SPAG17: variants seen among roughly 807,000 people sequenced by gnomAD.
SPAG17 encodes sperm-associated antigen 17.
SPAG17 carries 169 observed loss-of-function variants against 273.6 expected under a neutral mutation model. The ratio of observed to expected loss-of-function variants is 0.62; its 90% CI spans 0.55 to 0.70. SPAG17 has a LOEUF of 0.70. Ranked by LOEUF, SPAG17 falls within the 30% of genes least tolerant of loss-of-function variation. The probability of loss-of-function intolerance (pLI) is 0.00; values close to 1 mark genes in which losing one functional copy is unlikely to be tolerated. For synonymous variants in SPAG17, 825 were observed against 873.2 expected, an observed-to-expected ratio of 0.94 and a Z score of 0.97; for missense variants, 2,557 against 2,627.8, an observed-to-expected ratio of 0.97 and a Z score of 0.59.
Position 118,099,772 on chromosome 1 carries a change from A to T in SPAG17, c.663T>A (p.His221Gln), listed in dbSNP as rs141025497. 200 of 1,612,830 alleles carry T rather than the reference A, an allele frequency of 1.2e-4. No individual in the cohort carries two copies. In the African/African-American group the frequency reaches 1.9e-3, roughly 15 times the overall value. Reference protein sequence around the residue: ...IDDEPDDGAQHYIIVVGFNNP... With the variant: ...IDDEPDDGAQQYIIVVGFNNP... ...TGTTAAAGCCCACAACTATAATGTA[A>T]TGTTGGGCACCATCATCTGGCTCAT... Residue 221 changes from histidine to glutamine, a missense_variant, in exon 6 of 49, where the codon CAT becomes CAA. Coordinates refer to ENST00000336338, the MANE Select transcript of SPAG17 (RefSeq NM_206996.4).
At chr1:118,015,840 A>G in intron 29 of SPAG17, 125 bp downstream of exon 29, 1 of 809,480 alleles carries the variant, frequency 1.2e-6, no homozygotes, top group Non-Finnish European at 1.9e-6. Flanking sequence ...CCATCCACCC[A>G]TCCATCCATC....
At chr1:118,063,466 C>G (rs1350870557) in intron 18 of SPAG17, among the ~76,000 whole-genome samples, 3 of 151,812 alleles carry the variant, frequency 2.0e-5, no homozygotes, top group African/African-American at 7.3e-5. Context: ...ACAAACCTGA[C>G]AAAAACAAAA....
At chr1:118,051,869 T>TTATAATATATAAACTATTATAA in intron 20 of SPAG17, among the ~76,000 whole-genome samples, 1 of 136,114 alleles carries the variant, frequency 7.3e-6, no homozygotes, top group Non-Finnish European at 1.5e-5. Context: ...ATATGTACTA[T>TTATAATATATAAACTATTATAA]TATAATATAT....
chr1:118,065,449 T>C (rs906129999), intron 18 of SPAG17, among the ~76,000 whole-genome samples: 2 of 152,126 alleles, frequency 1.3e-5, no homozygotes, highest in African/African-American at 4.8e-5. Flanking sequence ...CATTCTCCAG[T>C]TAATTTATGA....
chr1:118,063,125 C>T lies in SPAG17; in HGVS notation c.2540+3620G>A, dbSNP rs564518530. The stretch of plus-strand genomic sequence containing the variant: ...GAAGAACATTCCATGCTCATGGATA[C>T]GAAGAATCAGTATCGTGAAAATGGC... On this transcript the variant is annotated intron_variant, in intron 18 of 48. Transcript: ENST00000336338. Among the ~76,000 whole-genome samples the T allele has an allele frequency of 2.4e-4, 37 of 152,170 alleles. No individual in the cohort carries two copies. The Middle Eastern group carries it at 0.01, about 42-fold the overall frequency.
intron 4 of SPAG17, among the ~76,000 whole-genome samples, chr1:118,105,482 G>T (rs956787630): frequency 2.6e-5 from 4 of 152,156 alleles, no homozygotes; most frequent in African/African-American, 7.2e-5. Context: ...CGAAATGATT[G>T]TGATGGAAGG....
intron 17 of SPAG17, among the ~76,000 whole-genome samples, chr1:118,071,098 A>C (rs1052370758): frequency 1.3e-5 from 2 of 151,922 alleles, no homozygotes; most frequent in African/African-American, 4.8e-5. Flanking sequence ...TCCTATGGAA[A>C]TCTCCCAGTC....
intron 3 of SPAG17, among the ~76,000 whole-genome samples, chr1:118,143,999 CACCTCCCCAGTGTCT>C (rs1327854368): frequency 2.6e-5 from 4 of 152,212 alleles, no homozygotes; most frequent in Non-Finnish European, 5.9e-5. Flanking sequence ...ATCACCACCA[CACCTCCCCAGTGTCT>C]ACCTCCCCTC....
intron 43 of SPAG17, among the ~76,000 whole-genome samples, chr1:117,975,683 C>T (rs1222803414): frequency 2.0e-5 from 3 of 152,090 alleles, no homozygotes; most frequent in Non-Finnish European, 4.4e-5. Flanking sequence ...CCAGTAAAGC[C>T]CTATTCCTGA....
At chr1:117,975,387 G>C (rs12025940) in intron 43 of SPAG17, among the ~76,000 whole-genome samples, 7,539 of 152,216 alleles carry the variant, frequency 0.05, 452 homozygotes, top group East Asian at 0.28. Flanking sequence ...GTGAATTTGA[G>C]TTTTAGTTCT....
At chr1:118,106,026 A>C (rs1261966758) in intron 4 of SPAG17, among the ~76,000 whole-genome samples, 3 of 152,144 alleles carry the variant, frequency 2.0e-5, no homozygotes, top group Non-Finnish European at 4.4e-5. Context: ...GTAAACCTTT[A>C]AACTAACTCC....
At chr1:118,110,814 C>T (rs1558020598) in intron 4 of SPAG17, among the ~76,000 whole-genome samples, 1 of 152,134 alleles carries the variant, frequency 6.6e-6, no homozygotes, top group Non-Finnish European at 1.5e-5. Flanking sequence ...GATTGTGAGC[C>T]AAGAGTGCCA....
intron 47 of SPAG17, 91 bp downstream of exon 47, chr1:117,966,518 A>C: frequency 8.5e-7 from 1 of 1,182,408 alleles, no homozygotes; most frequent in Non-Finnish European, 1.1e-6. Flanking sequence ...TAGAATTAAT[A>C]AAGTAGAGAT....
At chr1:118,159,741 G>A (rs2102368444) in intron 1 of SPAG17, among the ~76,000 whole-genome samples, 1 of 152,206 alleles carries the variant, frequency 6.6e-6, no homozygotes, top group East Asian at 1.9e-4. Context: ...CACCAATCTA[G>A]CACATGAGCT....
At chr1:118,143,799 G>A (rs1472289864) in intron 3 of SPAG17, among the ~76,000 whole-genome samples, 2 of 152,136 alleles carry the variant, frequency 1.3e-5, no homozygotes, top group Admixed American at 6.5e-5. Flanking sequence ...GCCCAGACCT[G>A]GAGGAGAAGC....
intron 3 of SPAG17, among the ~76,000 whole-genome samples, chr1:118,147,717 G>A (rs1328978752): frequency 2.0e-5 from 3 of 152,184 alleles, no homozygotes; most frequent in Non-Finnish European, 2.9e-5. Context: ...ATCTCATAAT[G>A]AGGCTGTGTG....
intron 43 of SPAG17, among the ~76,000 whole-genome samples, chr1:117,977,501 T>C (rs1368243865): frequency 2.0e-5 from 3 of 152,188 alleles, no homozygotes; most frequent in African/African-American, 7.2e-5. Context: ...TTAAGTAAAA[T>C]GAGGGTTGTT....
In SPAG17 at chr1:118,151,385, C is replaced by A. The variant is rs775436274; in HGVS notation, c.88-16G>T. ...GCCAATCGTTCTATTAAAAATCAGACGGAATTAGATTTTAAATATTCCTGA... is the reference window on the plus strand; with the variant it reads ...GCCAATCGTTCTATTAAAAATCAGAAGGAATTAGATTTTAAATATTCCTGA... On this transcript the variant is annotated splice_polypyrimidine_tract_variant and intron_variant, in intron 1 of 48. Coordinates refer to ENST00000336338, the MANE Select transcript of SPAG17 (RefSeq NM_206996.4). 6.2e-7 allele frequency: 1 copy of A among 1,607,876 alleles called. No homozygotes were observed. Among genetic ancestry groups the A allele is most frequent in the East Asian group, 2.2e-5 (1 of 44,736 alleles).
chr1:118,025,488 T>C (rs1364698757), intron 26 of SPAG17, 72 bp from the exon 27 acceptor site: 3 of 1,132,600 alleles, frequency 2.6e-6, no homozygotes, highest in Non-Finnish European at 2.4e-6. Context: ...CTTGCTTAAT[T>C]ATTTTCTTTT....
Sources: allele counts gnomAD v4.1 joint callset (sites outside exome capture counted in the v4.1 genomes callset), GRCh38; gene constraint gnomAD v4.1.1; transcripts MANE v1.5; gene names NCBI Gene and HGNC (gene_info 2026-07-23, HGNC 2026-07-21).